C3orf33: variants seen among roughly 807,000 people sequenced by gnomAD.
C3orf33 encodes the protein AP-1 activity suppressor.
Under a neutral mutation model 28.7 loss-of-function variants are expected in C3orf33, and 23 were observed. The ratio of observed to expected loss-of-function variants is 0.80; its 90% confidence interval spans 0.58 to 1.13. The LOEUF (loss-of-function observed/expected upper bound fraction) is 1.13, where lower values mean the gene tolerates loss of function less well. Ranked by LOEUF, C3orf33 falls within the 50% of genes most tolerant of loss-of-function variation. The pLI is 0.00. For synonymous variants in C3orf33, 119 were observed against 120.5 expected, an observed-to-expected ratio of 0.99 and a Z score of 0.08; for missense variants, 327 against 353.4, an observed-to-expected ratio of 0.93 and a Z score of 0.60.
chr3:155,781,274 T>C (rs1316181395), intron 2 of C3orf33, among the ~76,000 whole-genome samples: 3 of 152,006 alleles, frequency 2.0e-5, no homozygotes, highest in Admixed American at 6.6e-5. Context: ...CCAATAGACT[T>C]CTTATGACTT....
At chr3:155,783,145 A>C (rs910509664) in intron 2 of C3orf33, among the ~76,000 whole-genome samples, 1 of 149,886 alleles carries the variant, frequency 6.7e-6, no homozygotes, top group African/African-American at 2.5e-5. Flanking sequence ...AGGGATACTC[A>C]ACCCATTCTA....
chr3:155,768,070 G>T (rs984130560), intron 3 of C3orf33, among the ~76,000 whole-genome samples: 1 of 152,062 alleles, frequency 6.6e-6, no homozygotes, highest in African/African-American at 2.4e-5. Context: ...AGTAGAGACA[G>T]GGTCTCGTTA....
At position 155,802,663 on chromosome 3, in the gene C3orf33, T is replaced by C. The variant is rs1036434092; in HGVS notation, c.115-72A>G. 6.7e-6 allele frequency: 8 copies of C among 1,199,168 alleles called. No individual in the cohort carries two copies. The African/African-American group carries it at 1.1e-4, about 17-fold the overall frequency. 74.3% of individuals were successfully genotyped at this position (1,199,168 alleles called of 1,614,324 possible). A position where few individuals can be genotyped will look rare whatever the true frequency, so the allele number is the denominator to read the frequency against. On this transcript the variant is annotated intron_variant, in intron 1 of 4. Transcript: ENST00000340171. ...AATAATGAAAGCACTAATTAGAAGGTAGAAAAAAAGAAGACTGTCCTCTCT... is the reference window on the plus strand; with the variant it reads ...AATAATGAAAGCACTAATTAGAAGGCAGAAAAAAAGAAGACTGTCCTCTCT...
rs748346497 is a variant in C3orf33 at position 155,802,571 on chromosome 3, G to T, written c.135C>A (p.Ala45=). The T allele has an allele frequency of 6.2e-7, 1 of 1,600,056 alleles. No homozygotes were observed. Among genetic ancestry groups the T allele is most frequent in the Non-Finnish European group, 8.5e-7 (1 of 1,176,412 alleles). ...TCAAAAGTAACATTATTCCAGCTATGGCCATTCCAGTGCTGATGTTCTACA... is the reference window on the plus strand; with the variant it reads ...TCAAAAGTAACATTATTCCAGCTATTGCCATTCCAGTGCTGATGTTCTACA... ...RLVRNISTGM[A]IAGIMLLLRS... is the part of the protein sequence containing the mutation. Residue 45 remains alanine, a synonymous_variant, in exon 2 of 5, where the codon GCC becomes GCA. Coordinates refer to ENST00000340171, the MANE Select transcript of C3orf33 (RefSeq NM_001308229.2).
At chr3:155,795,895 G>T (rs1415732456) in intron 2 of C3orf33, among the ~76,000 whole-genome samples, 16 of 152,158 alleles carry the variant, frequency 1.1e-4, no homozygotes, top group African/African-American at 3.9e-4. Context: ...AGCAAAGGTT[G>T]CAGTGAGCCA....
intron 4 of C3orf33, among the ~76,000 whole-genome samples, chr3:155,767,064 C>A (rs190047156): frequency 1.1e-3 from 161 of 152,220 alleles, no homozygotes; most frequent in African/African-American, 3.8e-3. Flanking sequence ...ACCATCCTGG[C>A]CAACATGGTG....
intron 2 of C3orf33, among the ~76,000 whole-genome samples, chr3:155,787,977 G>T (rs1751182316): frequency 6.6e-6 from 1 of 151,758 alleles, no homozygotes; most frequent in African/African-American, 2.4e-5. Context: ...GGATCATGAG[G>T]TCAGCAGATC....
At chr3:155,778,350 C>T (rs777387335) in intron 2 of C3orf33, among the ~76,000 whole-genome samples, 3 of 151,986 alleles carry the variant, frequency 2.0e-5, no homozygotes, top group African/African-American at 7.3e-5. Context: ...ATTAGATGTG[C>T]TAATATTAAT....
intron 2 of C3orf33, among the ~76,000 whole-genome samples, chr3:155,777,618 G>A (rs1750792678): frequency 6.6e-6 from 1 of 151,916 alleles, no homozygotes; most frequent in Admixed American, 6.6e-5. Context: ...TAAATTTTTT[G>A]TATAGATGGG....
chr3:155,795,234 C>A (rs939364303), intron 2 of C3orf33, among the ~76,000 whole-genome samples: 4 of 151,846 alleles, frequency 2.6e-5, no homozygotes, highest in Non-Finnish European at 4.4e-5. Context: ...GGTGGATAGA[C>A]CACCTGAGTT....
intron 3 of C3orf33, among the ~76,000 whole-genome samples, chr3:155,773,991 A>G (rs1035589201): frequency 1.1e-4 from 16 of 152,216 alleles, no homozygotes; most frequent in Admixed American, 3.3e-4. Flanking sequence ...GGGAAAATCA[A>G]TCTTGTTCCT....
chr3:155,773,408 A>G (rs183671256), intron 3 of C3orf33, among the ~76,000 whole-genome samples: 202 of 152,318 alleles, frequency 1.3e-3, no homozygotes, highest in Admixed American at 3.9e-3. Flanking sequence ...TTTAACTTCT[A>G]CATGTCTATA....
intron 4 of C3orf33, among the ~76,000 whole-genome samples, chr3:155,767,202 A>T (rs1181163998): frequency 1.3e-5 from 2 of 152,154 alleles, no homozygotes; most frequent in Non-Finnish European, 2.9e-5. Context: ...GCAGTGGCCG[A>T]GATCGTGCCA....
rs780441088 is a variant in C3orf33 at position 155,802,557 on chromosome 3, A to G, written c.149T>C (p.Met50Thr). ...CAGTCGAATGCTTCTCAAAAGTAAC[A>G]TTATTCCAGCTATGGCCATTCCAGT... ...ISTGMAIAGI[M>T]LLLRSIRLTS... Residue 50 changes from methionine to threonine, a missense_variant, in exon 2 of 5, where the codon ATG becomes ACG. Physicochemically the swap from Met to Thr is moderately conservative, Grantham distance 81 (BLOSUM62 -1). Coordinates refer to ENST00000340171, the MANE Select transcript of C3orf33 (RefSeq NM_001308229.2). 6.2e-7 allele frequency: 1 copy of G among 1,604,008 alleles called. No individual in the cohort carries two copies. The highest frequency in any genetic ancestry group is 8.5e-7 in the Non-Finnish European group (1 of 1,177,454).
chr3:155,779,289 C>G (rs1203374585), intron 2 of C3orf33, among the ~76,000 whole-genome samples: 1 of 152,000 alleles, frequency 6.6e-6, no homozygotes, highest in African/African-American at 2.4e-5. Context: ...TTGCACTACT[C>G]TGGGATCTTT....
chr3:155,783,412 C>A (rs1750999887), intron 2 of C3orf33, among the ~76,000 whole-genome samples: 1 of 151,500 alleles, frequency 6.6e-6, no homozygotes, highest in Non-Finnish European at 1.5e-5. Flanking sequence ...ACCTCATCCA[C>A]CCAAAGGGTT....
chr3:155,806,219 A>G lies in C3orf33; in HGVS notation c.34T>C (p.Ser12Pro), dbSNP rs1751807596. 6.7e-6 allele frequency: 10 copies of G among 1,483,818 alleles called. No individual in the cohort carries two copies. The African/African-American group carries it at 8.6e-5, about 13-fold the overall frequency. 91.9% of individuals were successfully genotyped at this position (1,483,818 alleles called of 1,614,324 possible). ...GGCTCCATTCCGTCCTTGTCGGCAG[A>G]CGGCGAGCCGGTGGCCGCGGGCTGC... Reference protein sequence around the residue: ...AGQPAATGSPSADKDGMEPNV... With the variant: ...AGQPAATGSPPADKDGMEPNV... The change falls in exon 1 of 5, where the codon TCT becomes CCT. Residue 12 changes from serine to proline, a missense_variant. Ser to Pro is a moderately conservative substitution (Grantham distance 74, BLOSUM62 -1). Coordinates refer to ENST00000340171, the MANE Select transcript of C3orf33 (RefSeq NM_001308229.2).
At chr3:155,771,034 T>TGTGTGTGTGA (rs1388198224) in intron 3 of C3orf33, among the ~76,000 whole-genome samples, 2,340 of 148,178 alleles carry the variant, frequency 0.016, 133 homozygotes, top group African/African-American at 0.057. Flanking sequence ...TGTGTGTGTG[T>TGTGTGTGTGA]GTGTGTGTGT....
chr3:155,798,270 C>A (rs546725463), intron 2 of C3orf33, among the ~76,000 whole-genome samples: 40 of 152,172 alleles, frequency 2.6e-4, no homozygotes, highest in African/African-American at 9.4e-4. Context: ...ACAGAAAAAA[C>A]AATCCTCAAA....
Sources: allele counts gnomAD v4.1 joint callset (sites outside exome capture counted in the v4.1 genomes callset), GRCh38; gene constraint gnomAD v4.1.1; transcripts MANE v1.5; gene names NCBI Gene and HGNC (gene_info 2026-07-23, HGNC 2026-07-21).